The following LHFPL6 variants were observed in gnomAD, a reference collection of about 807,000 sequenced individuals.
LHFPL6 encodes LHFPL tetraspan subfamily member 6, also known as LHFPL tetraspan subfamily member 6 protein.
Under a neutral mutation model 20.6 loss-of-function variants are expected in LHFPL6, and 9 were observed. The observed-to-expected ratio is 0.44, with a 90% CI of 0.26 to 0.76. LHFPL6 has a LOEUF of 0.76. Ranked by LOEUF, LHFPL6 falls within the 30% of genes least tolerant of loss-of-function variation. The pLI is 0.20. For missense variants in LHFPL6, 218 were observed against 253.5 expected (o/e 0.86, Z 0.95); for synonymous variants, 105 against 98.7 (o/e 1.06, Z -0.38).
chr13:39,586,194 C>G (rs1339196649), intron 2 of LHFPL6, among the ~76,000 whole-genome samples: 1 of 152,058 alleles, frequency 6.6e-6, no homozygotes, highest in Non-Finnish European at 1.5e-5. Flanking sequence ...TATACACATA[C>G]ACAGCATTTC....
At chr13:39,393,745 C>T (rs956187088) in intron 2 of LHFPL6, among the ~76,000 whole-genome samples, 5 of 152,168 alleles carry the variant, frequency 3.3e-5, no homozygotes, top group African/African-American at 1.2e-4. Context: ...AACATTCATT[C>T]ATTCATTTAT....
chr13:39,497,099 A>G (rs1223010117), intron 2 of LHFPL6, among the ~76,000 whole-genome samples: 2 of 152,254 alleles, frequency 1.3e-5, no homozygotes, highest in Non-Finnish European at 2.9e-5. Context: ...CACTTTGCTC[A>G]TCATCTTGAG....
intron 2 of LHFPL6, among the ~76,000 whole-genome samples, chr13:39,584,181 A>G (rs4456374): frequency 6.6e-6 from 1 of 152,120 alleles, no homozygotes; most frequent in Admixed American, 6.5e-5. Flanking sequence ...CTGAGCAGCA[A>G]TGTATCTCCA....
At chr13:39,397,720 G>A (rs945963034) in intron 2 of LHFPL6, among the ~76,000 whole-genome samples, 8 of 152,114 alleles carry the variant, frequency 5.3e-5, no homozygotes, top group African/African-American at 1.9e-4. Context: ...CTCTATTTCT[G>A]GGAGCTTCGG....
In LHFPL6 at chr13:39,603,192, T is replaced by G. The variant is rs988736020; in HGVS notation, c.-484A>C. ...CGCACGCAGAGGAGCGGATCTCCCTTTGGCAGGCGAGGCACGCACCGCCTC... is the reference window on the plus strand; with the variant it reads ...CGCACGCAGAGGAGCGGATCTCCCTGTGGCAGGCGAGGCACGCACCGCCTC... On this transcript the variant is annotated 5_prime_UTR_variant, in exon 1 of 4. Transcript: ENST00000379589. The G allele has an allele frequency of 1.3e-5, 2 of 152,120 alleles. No individual in the cohort carries two copies. The highest frequency in any genetic ancestry group is 2.9e-5 in the Non-Finnish European group (2 of 68,156). 9.4% of individuals were successfully genotyped at this position (152,120 alleles called of 1,614,324 possible). A position where few individuals can be genotyped will look rare whatever the true frequency, so the allele number is the denominator to read the frequency against.
chr13:39,499,973 A>G (rs1239093810), intron 2 of LHFPL6, among the ~76,000 whole-genome samples: 1 of 152,162 alleles, frequency 6.6e-6, no homozygotes, highest in Non-Finnish European at 1.5e-5. Context: ...CCAGGATTCT[A>G]GAAAGTTTCC....
rs543056915 is a variant in LHFPL6 at position 39,472,690 on chromosome 13, C to T, written c.386-94164G>A. Reference sequence around the variant, plus strand: ...ATGATGCAATCTCGGCTCACTGGAACCTCCGCCTCCTGGGTTCAAGTGATT... The same window carrying T: ...ATGATGCAATCTCGGCTCACTGGAATCTCCGCCTCCTGGGTTCAAGTGATT... On this transcript the variant is annotated intron_variant, in intron 2 of 3. Coordinates refer to ENST00000379589, the MANE Select transcript of LHFPL6 (RefSeq NM_005780.3). Among the ~76,000 whole-genome samples, 178 of 152,148 alleles carry T rather than the reference C, an allele frequency of 1.2e-3. 1 individual carries two copies. The highest frequency in any genetic ancestry group is 2.4e-3 in the Non-Finnish European group (164 of 68,000).
At chr13:39,546,437 T>C (rs1435623586) in intron 2 of LHFPL6, among the ~76,000 whole-genome samples, 1 of 152,154 alleles carries the variant, frequency 6.6e-6, no homozygotes, top group African/African-American at 2.4e-5. Context: ...ACATTTTAAT[T>C]TGAGAACCAA....
At chr13:39,598,514 A>G (rs1442443112) in intron 2 of LHFPL6, among the ~76,000 whole-genome samples, 1 of 152,134 alleles carries the variant, frequency 6.6e-6, no homozygotes, top group Non-Finnish European at 1.5e-5. Context: ...GAGAAATTAG[A>G]GAATATCAGC....
chr13:39,398,424 T>C (rs1370044905), intron 2 of LHFPL6, among the ~76,000 whole-genome samples: 1 of 152,190 alleles, frequency 6.6e-6, no homozygotes, highest in East Asian at 1.9e-4. Context: ...GTAAGAAAGA[T>C]GTATTTCCAG....
intron 2 of LHFPL6, among the ~76,000 whole-genome samples, chr13:39,517,258 C>A (rs1435998339): frequency 6.6e-6 from 1 of 152,048 alleles, no homozygotes; most frequent in Non-Finnish European, 1.5e-5. Flanking sequence ...TAATGAAGTA[C>A]AAAGAGGATA....
chr13:39,379,085 G>T (rs556564423), intron 2 of LHFPL6, among the ~76,000 whole-genome samples: 5 of 119,894 alleles, frequency 4.2e-5, no homozygotes, highest in African/African-American at 1.5e-4. Context: ...GAGCATCCAC[G>T]CATCTCAGAA....
At chr13:39,574,089 CAGCTCAGCCAGTAGCCTGCTGCAT>C (rs1467641326) in intron 2 of LHFPL6, among the ~76,000 whole-genome samples, 1 of 152,120 alleles carries the variant, frequency 6.6e-6, no homozygotes, top group Admixed American at 6.5e-5. Flanking sequence ...ATTTGAATTC[CAGCTCAGCCAGTAGCCTGCTGCAT>C]ACTCCTGACT....
intron 2 of LHFPL6, among the ~76,000 whole-genome samples, chr13:39,512,838 C>G (rs1355641091): frequency 6.6e-6 from 1 of 152,236 alleles, no homozygotes; most frequent in African/African-American, 2.4e-5. Flanking sequence ...AAGAGAGTCT[C>G]TCTCTCTGCC....
intron 2 of LHFPL6, among the ~76,000 whole-genome samples, chr13:39,441,177 T>C (rs2138413877): frequency 7.9e-6 from 1 of 126,254 alleles, no homozygotes; most frequent in African/African-American, 2.9e-5. Context: ...GGAGAAAGGC[T>C]CTCTCTGTTG....
chr13:39,519,986 G>T (rs2138484439), intron 2 of LHFPL6, among the ~76,000 whole-genome samples: 1 of 152,298 alleles, frequency 6.6e-6, no homozygotes, highest in African/African-American at 2.4e-5. Flanking sequence ...GTCCACACAA[G>T]AAAGGCTTCC....
intron 2 of LHFPL6, among the ~76,000 whole-genome samples, chr13:39,469,515 C>T (rs1872892690): frequency 6.6e-6 from 1 of 152,152 alleles, no homozygotes; most frequent in East Asian, 1.9e-4. Context: ...TGGGCATGAC[C>T]CCCAAATCCT....
intron 2 of LHFPL6, among the ~76,000 whole-genome samples, chr13:39,482,331 C>A (rs1338511067): frequency 1.3e-5 from 2 of 152,026 alleles, no homozygotes; most frequent in African/African-American, 4.8e-5. Flanking sequence ...GTAATCCCCA[C>A]TACTCAGGAG....
chr13:39,417,127 G>A (rs1228231567), intron 2 of LHFPL6, among the ~76,000 whole-genome samples: 3 of 152,194 alleles, frequency 2.0e-5, no homozygotes, highest in African/African-American at 7.2e-5. Context: ...CTTCTTACCA[G>A]TGTCCAGTGT....
Sources: gnomAD v4.1 joint callset for allele counts (sites outside exome capture counted in the v4.1 genomes callset) on GRCh38, gnomAD v4.1.1 for gene constraint, MANE v1.5 for transcripts, NCBI Gene and HGNC (gene_info 2026-07-23, HGNC 2026-07-21) for gene names.